Variants in SUMF1 observed in about 807,000 individuals in gnomAD.
SUMF1 encodes the protein sulfatase modifying factor 1, also known as formylglycine-generating enzyme.
In SUMF1, 48 loss-of-function variants were observed where a neutral mutation model predicts 47.6. The observed-to-expected ratio is 1.01, with a 90% confidence interval of 0.80 to 1.28. The LOEUF is 1.28. Ranked by LOEUF, SUMF1 falls within the 50% of genes most tolerant of loss-of-function variation. SUMF1 has a pLI of 0.00. For missense variants in SUMF1, 571 were observed against 485.4 expected (o/e 1.18, Z -1.66); for synonymous variants, 230 against 192.1 (o/e 1.20, Z -1.63).
At chr3:4,287,947 T>A (rs558018497) in intron 8 of SUMF1, among the ~76,000 whole-genome samples, 3 of 152,352 alleles carry the variant, frequency 2.0e-5, no homozygotes, top group African/African-American at 7.2e-5. Context: ...TAATTAATGC[T>A]ACTGCTCTGA....
chr3:4,069,291 ACAACAG>A (rs1203216451), intron 8 of SUMF1, among the ~76,000 whole-genome samples: 3 of 152,196 alleles, frequency 2.0e-5, no homozygotes, highest in Non-Finnish European at 1.5e-5. Flanking sequence ...GAGATGAAAT[ACAACAG>A]CAAATGCAAG....
At chr3:4,238,860 C>A (rs1445157054) in intron 8 of SUMF1, among the ~76,000 whole-genome samples, 1 of 152,136 alleles carries the variant, frequency 6.6e-6, no homozygotes, top group Non-Finnish European at 1.5e-5. Flanking sequence ...ATGCCTATGT[C>A]CTGAATGGTA....
At chr3:4,456,698 ATATATACG>A (rs1340193950) in intron 1 of SUMF1, among the ~76,000 whole-genome samples, 66 of 135,614 alleles carry the variant, frequency 4.9e-4, no homozygotes, top group Non-Finnish European at 9.4e-4. Flanking sequence ...GTGTGTATAT[ATATATACG>A]TATATATATA....
At chr3:4,310,198 C>G (rs935364674) in intron 8 of SUMF1, among the ~76,000 whole-genome samples, 4 of 152,134 alleles carry the variant, frequency 2.6e-5, no homozygotes, top group Non-Finnish European at 5.9e-5. Context: ...CATGACTACT[C>G]GAAGTTTAAC....
chr3:4,235,954 T>A (rs983336667), intron 8 of SUMF1, among the ~76,000 whole-genome samples: 14 of 152,018 alleles, frequency 9.2e-5, no homozygotes, highest in Admixed American at 2.0e-4. Flanking sequence ...TGTACAATAA[T>A]TTTTTTGAGA....
chr3:4,246,740 C>T (rs1696680199), intron 8 of SUMF1, among the ~76,000 whole-genome samples: 1 of 152,122 alleles, frequency 6.6e-6, no homozygotes, highest in Admixed American at 6.6e-5. Context: ...GAAGATACTT[C>T]ACTAACCACC....
At chr3:4,330,396 T>C (rs1218689162) in intron 8 of SUMF1, among the ~76,000 whole-genome samples, 2 of 152,240 alleles carry the variant, frequency 1.3e-5, no homozygotes, top group Non-Finnish European at 2.9e-5. Flanking sequence ...CAGTTCCACA[T>C]GGCTGGGGAA....
chr3:4,111,391 T>C (rs1693303264), intron 8 of SUMF1, among the ~76,000 whole-genome samples: 1 of 152,006 alleles, frequency 6.6e-6, no homozygotes, highest in South Asian at 2.1e-4. Context: ...TCAGACTACA[T>C]CATTCCTTGT....
chr3:4,046,018 T>C (rs958991424), intron 9 of SUMF1, among the ~76,000 whole-genome samples: 21 of 151,840 alleles, frequency 1.4e-4, no homozygotes, highest in African/African-American at 5.1e-4. Context: ...ACCACTACTG[T>C]CCAACCTGGG....
intron 8 of SUMF1, among the ~76,000 whole-genome samples, chr3:4,205,157 C>T (rs1574976112): frequency 6.6e-6 from 1 of 152,102 alleles, no homozygotes; most frequent in Non-Finnish European, 1.5e-5. Flanking sequence ...TTTGTTACTG[C>T]CCCACCTAAC....
chr3:4,235,805 T>C (rs1408145293), intron 8 of SUMF1, among the ~76,000 whole-genome samples: 1 of 152,034 alleles, frequency 6.6e-6, no homozygotes. Context: ...AAGTACCATC[T>C]CCCTCCCCTT....
chr3:4,169,905 C>A (rs574942389), intron 8 of SUMF1, among the ~76,000 whole-genome samples: 1 of 152,092 alleles, frequency 6.6e-6, no homozygotes, highest in East Asian at 1.9e-4. Flanking sequence ...AGAGAGTTTT[C>A]CTTGAGAGGT....
At chr3:4,466,356 C>T (rs1438530304) in intron 1 of SUMF1, among the ~76,000 whole-genome samples, 2 of 152,114 alleles carry the variant, frequency 1.3e-5, no homozygotes, top group Non-Finnish European at 2.9e-5. Flanking sequence ...GTGATCCGCG[C>T]GCTTCGGCCT....
chr3:4,169,804 A>C lies in SUMF1; in HGVS notation c.1015-101059T>G, dbSNP rs550826089. On this transcript the variant is annotated intron_variant and NMD_transcript_variant, in intron 8 of 12. Coordinates refer to the SUMF1 transcript ENST00000448413. ...TAAACTGTGTGCTTTTTAAATAAAC[A>C]GTATAGTATCAGGCATTAAGGACTA... 5.9e-5 allele frequency among the ~76,000 whole-genome samples: 9 copies of C among 152,276 alleles called. No homozygotes were observed. In the South Asian group the frequency reaches 1.9e-3, roughly 32 times the overall value.
chr3:4,039,512 G>A (rs1234763655), intron 9 of SUMF1, among the ~76,000 whole-genome samples: 2 of 138,274 alleles, frequency 1.4e-5, no homozygotes, highest in Non-Finnish European at 3.1e-5. Context: ...TGAGAATGAT[G>A]GTTTCCAATT....
chr3:4,059,083 T>C (rs1695237192), intron 9 of SUMF1, among the ~76,000 whole-genome samples: 1 of 152,142 alleles, frequency 6.6e-6, no homozygotes, highest in East Asian at 1.9e-4. Flanking sequence ...TCACTCTAAA[T>C]ATATAGTGAG....
chr3:4,330,589 G>A (rs116505532), intron 8 of SUMF1, among the ~76,000 whole-genome samples: 1,754 of 152,246 alleles, frequency 0.012, 25 homozygotes, highest in African/African-American at 0.038. Context: ...ACTTGGCCCC[G>A]CCCTTGACAC....
intron 8 of SUMF1, chr3:4,303,773 T>A (rs1227656283): frequency 2.0e-5 from 29 of 1,451,996 alleles, no homozygotes; most frequent in Non-Finnish European, 2.7e-5. Context: ...GGAGGCCTTG[T>A]GAGAACCTGG....
chr3:4,258,529 C>T (rs1016711151), intron 8 of SUMF1, among the ~76,000 whole-genome samples: 50 of 151,296 alleles, frequency 3.3e-4, no homozygotes, highest in South Asian at 8.3e-4. Flanking sequence ...TCATCACTAG[C>T]CATCAGAGAA....
Sources: allele counts gnomAD v4.1 joint callset (sites outside exome capture counted in the v4.1 genomes callset), GRCh38; gene constraint gnomAD v4.1.1; transcripts MANE v1.5; gene names NCBI Gene and HGNC (gene_info 2026-07-23, HGNC 2026-07-21).